Variants in MYO10 observed in about 807,000 individuals in gnomAD.
MYO10 encodes the protein myosin X.
In MYO10, 133 loss-of-function variants were observed where a neutral mutation model predicts 257.3. That is an observed-to-expected ratio of 0.52 (90% CI 0.45 to 0.60). The LOEUF (loss-of-function observed/expected upper bound fraction) is 0.60, where lower values mean the gene tolerates loss of function less well. Ranked by LOEUF, MYO10 falls within the 20% of genes least tolerant of loss-of-function variation. MYO10 has a pLI of 0.00. For missense variants in MYO10, 2,399 were observed against 2,635.7 expected (o/e 0.91, Z 1.97); for synonymous variants, 1,104 against 1,028.6 (o/e 1.07, Z -1.40).
chr5:16,871,834 G>A (rs1561029913), intron 2 of MYO10, among the ~76,000 whole-genome samples: 2 of 152,126 alleles, frequency 1.3e-5, no homozygotes, highest in Non-Finnish European at 2.9e-5. Context: ...TAAAAATCTT[G>A]CCTCACTTTT....
At chr5:16,866,777 T>C (rs1467097918) in intron 2 of MYO10, among the ~76,000 whole-genome samples, 3 of 152,204 alleles carry the variant, frequency 2.0e-5, no homozygotes, top group Admixed American at 1.3e-4. Flanking sequence ...GAGTTTGGTT[T>C]TGAGAGTCAT....
At position 16,780,521 on chromosome 5, in the gene MYO10, C is replaced by T. The variant is rs1195308327; in HGVS notation, c.826+3G>A. On this transcript the variant is annotated splice_donor_region_variant and intron_variant, in intron 8 of 40. Transcript: ENST00000513610. ...CACATTATCCAGCTGTCGTCCCACT[C>T]ACCTCTTTCTTCATGTTCCAGCCCT... 2 of 1,571,100 alleles carry T rather than the reference C, an allele frequency of 1.3e-6. No homozygotes were observed. Among genetic ancestry groups the T allele is most frequent in the East Asian group, 2.3e-5 (1 of 43,754 alleles).
At chr5:16,895,614 C>G (rs1160543608) in intron 1 of MYO10, among the ~76,000 whole-genome samples, 1 of 152,028 alleles carries the variant, frequency 6.6e-6, no homozygotes, top group Non-Finnish European at 1.5e-5. Context: ...GAGCTCCTTC[C>G]CCAGCAGGAC....
rs751598961 is a variant in MYO10, at chr5:16,701,429, G to A, written c.2966C>T (p.Pro989Leu). ...GAAGCCCTCATCGACCTCCTCCTCTGGGTAGGGCTGGCTGAAGTTGAAGTT... is the reference window on the plus strand; with the variant it reads ...GAAGCCCTCATCGACCTCCTCCTCTAGGTAGGGCTGGCTGAAGTTGAAGTT... ...KPNFNFSQPY[P>L]EEEVDEGFEA... The change falls in exon 25 of 41, where the codon CCA becomes CTA. Residue 989 changes from proline (P) to leucine (L), a missense_variant. By Grantham distance (98) the Pro-to-Leu change is moderately conservative. Coordinates refer to ENST00000513610, the MANE Select transcript of MYO10 (RefSeq NM_012334.3). This position sits in a 1 kb window ranked among gnomAD's most constrained non-coding sequence, Gnocchi z 8.1. 3 of 1,613,908 alleles carry A rather than the reference G, an allele frequency of 1.9e-6. No individual in the cohort carries two copies. In the African/African-American group the frequency reaches 4.0e-5, roughly 22 times the overall value.
rs555688088 is a variant in MYO10 at position 16,874,806 on chromosome 5, C to T, written c.120+2803G>A. Among the ~76,000 whole-genome samples the T allele has an allele frequency of 5.3e-5, 8 of 152,312 alleles. No homozygotes were observed. In the East Asian group the frequency reaches 1.4e-3, roughly 26 times the overall value. ...AGTTCCAAAGTTGCTTCCACATTTT[C>T]GGGTATCTTTCCAGCAAGTATCCAT... is the stretch of plus-strand genomic sequence containing the variant. On this transcript the variant is annotated intron_variant, in intron 2 of 40. Transcript: ENST00000513610.
chr5:16,739,666 T>A (rs1262006309), intron 19 of MYO10, among the ~76,000 whole-genome samples: 1 of 151,680 alleles, frequency 6.6e-6, no homozygotes, highest in African/African-American at 2.4e-5. Flanking sequence ...TTTATAGTCA[T>A]GAAAAAATGC....
Position 16,763,507 on chromosome 5 carries a change from CA to C in MYO10, c.1467del (p.Asn489LysfsTer7). On this transcript the variant is annotated frameshift_variant, in exon 14 of 41. Coordinates refer to ENST00000513610, the MANE Select transcript of MYO10 (RefSeq NM_012334.3). LOFTEE classifies it high-confidence loss of function. ...TTCTCAATCAAGTCCAGGCATTCTC[CA>C]TTGTCTATCCAGTCAATATCTTCCC... is the stretch of plus-strand genomic sequence containing the variant. ...LVWEDIDWID[N>X]GECLDLIEKK... 6.2e-7 allele frequency: 1 copy of C among 1,612,478 alleles called. No homozygotes were observed. The highest frequency in any genetic ancestry group is 8.5e-7 in the Non-Finnish European group (1 of 1,178,604).
At position 16,908,629 on chromosome 5, in the gene MYO10, C is replaced by T. The variant is rs534563173; in HGVS notation, c.21+27159G>A. ...TGACACTAATAAAAACAGATCCAAT[C>T]CAATCTCTTTAAATATGGGCCTTCT... On this transcript the variant is annotated intron_variant, in intron 1 of 40. Coordinates refer to ENST00000513610, the MANE Select transcript of MYO10 (RefSeq NM_012334.3). Among the ~76,000 whole-genome samples, 6 of 152,180 alleles carry T rather than the reference C, an allele frequency of 3.9e-5. No homozygotes were observed. The South Asian group carries it at 1.2e-3, about 31-fold the overall frequency.
chr5:16,736,692 G>C (rs1267387173), intron 19 of MYO10, among the ~76,000 whole-genome samples: 1 of 152,218 alleles, frequency 6.6e-6, no homozygotes, highest in African/African-American at 2.4e-5. Flanking sequence ...CATGCAGTCA[G>C]TGAATCAAAT....
chr5:16,740,854 T>C (rs115588390), intron 19 of MYO10, among the ~76,000 whole-genome samples: 3 of 151,692 alleles, frequency 2.0e-5, no homozygotes, highest in Admixed American at 1.3e-4. Flanking sequence ...AATAAGTGTG[T>C]GTCAGATTAA....
At chr5:16,856,144 TC>T (rs1483704215) in intron 2 of MYO10, among the ~76,000 whole-genome samples, 3 of 152,224 alleles carry the variant, frequency 2.0e-5, no homozygotes, top group Admixed American at 1.3e-4. Flanking sequence ...GGATTTCTTT[TC>T]CCTTAAAAAT....
Position 16,804,522 on chromosome 5 carries a change from G to C in MYO10, c.280-9689C>G, listed in dbSNP as rs140438550. 3.3e-5 allele frequency among the ~76,000 whole-genome samples: 5 copies of C among 152,316 alleles called. No individual in the cohort carries two copies. In the East Asian group the frequency reaches 9.6e-4, roughly 29 times the overall value. ...TGGCACTTCTGAACCTGCTAAAACAGGGATGTAAAATAACACCGGCAACCA... is the reference window on the plus strand; with the variant it reads ...TGGCACTTCTGAACCTGCTAAAACACGGATGTAAAATAACACCGGCAACCA... On this transcript the variant is annotated intron_variant, in intron 3 of 40. Transcript: ENST00000513610.
chr5:16,936,162 C>T lies in MYO10; in HGVS notation c.-354G>A. On this transcript the variant is annotated 5_prime_UTR_variant, in exon 1 of 41. Coordinates refer to ENST00000513610, the MANE Select transcript of MYO10 (RefSeq NM_012334.3). ...GCGGCCCCCTCCCTCTGCGCTCCGG[C>T]CGGGGGCCCTCGGGGCGGGCAGGAG... 3.2e-6 allele frequency: 1 copy of T among 316,110 alleles called. No homozygotes were observed. The allele number at this position is 316,110 out of a possible 1,614,324, so 19.6% of individuals were successfully genotyped here.
rs113525440 is a variant in MYO10 at position 16,774,052 on chromosome 5, C to T, written c.931-4849G>A. On this transcript the variant is annotated intron_variant, in intron 9 of 40. Coordinates refer to ENST00000513610, the MANE Select transcript of MYO10 (RefSeq NM_012334.3). ...ACAATCTTTGTTAATAAGCAATCTC[C>T]ACCCCTTTGACAAGAGTAGCCACTT... 2.6e-3 allele frequency among the ~76,000 whole-genome samples: 394 copies of T among 152,292 alleles called. 1 individual carries two copies. Among genetic ancestry groups the T allele is most frequent in the African/African-American group, 9.2e-3 (383 of 41,558 alleles).
At chr5:16,670,107 T>C (rs1048589552) in intron 39 of MYO10, among the ~76,000 whole-genome samples, 3 of 152,194 alleles carry the variant, frequency 2.0e-5, no homozygotes, top group African/African-American at 2.4e-5. Context: ...AATGGCTAAA[T>C]TCCATTACGA....
chr5:16,797,288 G>C (rs1560990280), intron 3 of MYO10, among the ~76,000 whole-genome samples: 2 of 152,256 alleles, frequency 1.3e-5, no homozygotes, highest in East Asian at 1.9e-4. Flanking sequence ...TGCCCAACTG[G>C]TAAGTATAAT....
At chr5:16,710,257 T>C (rs1005567252) in intron 21 of MYO10, among the ~76,000 whole-genome samples, 2 of 152,010 alleles carry the variant, frequency 1.3e-5, no homozygotes, top group Non-Finnish European at 2.9e-5. Context: ...GGAATGAGAG[T>C]GGAAGCCAAA....
At chr5:16,935,575 G>A (rs559266034) in intron 1 of MYO10, among the ~76,000 whole-genome samples, 1 of 152,010 alleles carries the variant, frequency 6.6e-6, no homozygotes, top group Non-Finnish European at 1.5e-5. Flanking sequence ...GCTACCTCCC[G>A]GAGCAAAATG....
intron 34 of MYO10, among the ~76,000 whole-genome samples, chr5:16,675,654 C>A (rs1736689827): frequency 6.6e-6 from 1 of 152,078 alleles, no homozygotes; most frequent in Non-Finnish European, 1.5e-5. Context: ...ATGAGAACGA[C>A]CTTAACCTGG....
Sources: allele counts gnomAD v4.1 joint callset (sites outside exome capture counted in the v4.1 genomes callset), GRCh38; gene constraint gnomAD v4.1.1; non-coding constraint Gnocchi (gnomAD v3.1); transcripts MANE v1.5; gene names NCBI Gene and HGNC (gene_info 2026-07-23, HGNC 2026-07-21).